SYDE2: variants seen among roughly 807,000 people sequenced by gnomAD.
SYDE2 encodes rho GTPase-activating protein SYDE2.
In SYDE2, 76 loss-of-function variants were observed where a neutral mutation model predicts 91.5. The ratio of observed to expected loss-of-function variants is 0.83; its 90% CI spans 0.69 to 1.01. SYDE2 has a LOEUF of 1.01. Among genes scored for constraint, SYDE2 ranks in the 50% least tolerant of loss-of-function variants. SYDE2 has a pLI of 0.00. For missense variants in SYDE2, 1,364 were observed against 1,367.7 expected, an observed-to-expected ratio of 1.00 and a Z score of 0.04; for synonymous variants, 513 against 506.4, an observed-to-expected ratio of 1.01 and a Z score of -0.18.
At chr1:85,163,948 T>C (rs1657170839) in intron 6 of SYDE2, among the ~76,000 whole-genome samples, 1 of 152,092 alleles carries the variant, frequency 6.6e-6, no homozygotes, top group African/African-American at 2.4e-5. Context: ...ATAAGAAAGA[T>C]GGAAAGGTCA....
intron 2 of SYDE2, among the ~76,000 whole-genome samples, chr1:85,184,824 G>C (rs1450693878): frequency 6.6e-6 from 1 of 151,106 alleles, no homozygotes; most frequent in Non-Finnish European, 1.5e-5. Flanking sequence ...AGGCTACAGT[G>C]AGCCGTGATT....
Position 85,182,425 on chromosome 1 carries a change from T to C in SYDE2, c.2217A>G (p.Ala739=). The C allele has an allele frequency of 6.2e-7, 1 of 1,613,650 alleles. No individual in the cohort carries two copies. Among genetic ancestry groups the C allele is most frequent in the Non-Finnish European group, 8.5e-7 (1 of 1,179,706 alleles). The change falls in exon 3 of 7, where the codon GCA becomes GCG. Residue 739 remains alanine (A), a synonymous_variant. Transcript: ENST00000341460. The part of the protein sequence containing the change: ...DHTFNIEIEN[A]QHLKLVVFSW... ...TGAATACTACTAGTTTCAAATGTTG[T>C]GCATTTTCAATTTCTATGTTGAAAG...
Position 85,190,603 on chromosome 1 carries a change from G to A in SYDE2, c.895C>T (p.Leu299Phe), listed in dbSNP as rs1173310222. The change falls in exon 2 of 7, where the codon CTT becomes TTT. Residue 299 changes from leucine (L) to phenylalanine (F), a missense_variant. By Grantham distance (22) the Leu-to-Phe change is conservative (BLOSUM62 0). Coordinates refer to ENST00000341460, the MANE Select transcript of SYDE2 (RefSeq NM_032184.2). ...NWLYQSTLRP[L>F]NLEEENKKCQ... ...TTCTTATTTTCTTCTTCCAGATTAA[G>A]AGGCCTCAGAGTACTCTGATATAGC... is the stretch of plus-strand genomic sequence containing the variant. 1.2e-6 allele frequency: 2 copies of A among 1,613,900 alleles called. No individual in the cohort carries two copies. Among genetic ancestry groups the A allele is most frequent in the Non-Finnish European group, 1.7e-6 (2 of 1,179,876 alleles).
At chr1:85,163,663 C>T (rs1180787342) in intron 6 of SYDE2, among the ~76,000 whole-genome samples, 1 of 151,752 alleles carries the variant, frequency 6.6e-6, no homozygotes, top group Non-Finnish European at 1.5e-5. Context: ...TGGCAAGTGC[C>T]ACCATCCAGA....
Position 85,169,190 on chromosome 1 carries a change from G to GAGAA in SYDE2, c.2703_2706dup (p.Pro903PhefsTer10), listed in dbSNP as rs1657408656. On this transcript the variant is annotated frameshift_variant, in exon 5 of 7. Coordinates refer to ENST00000341460, the MANE Select transcript of SYDE2 (RefSeq NM_032184.2). LOFTEE classifies it high-confidence loss of function. ...TCATAAAGCTGCTTTGTTATCAGAG[G>GAGAA]AGAAGGGAGTTCTCTTAAATAATCC... is the stretch of plus-strand genomic sequence containing the variant. 1.2e-6 allele frequency: 2 copies of GAGAA among 1,613,468 alleles called. No individual in the cohort carries two copies. Among genetic ancestry groups the GAGAA allele is most frequent in the Non-Finnish European group, 1.7e-6 (2 of 1,179,748 alleles).
chr1:85,186,670 T>C lies in SYDE2; in HGVS notation c.1441+3387A>G, dbSNP rs541151737. On this transcript the variant is annotated intron_variant, in intron 2 of 6. Transcript: ENST00000341460. ...TGGTACTGGTACCAAAACAGAGATA[T>C]AGATCAATGGAACAGAACAGAGCCC... is the stretch of plus-strand genomic sequence containing the variant. Among the ~76,000 whole-genome samples the C allele has an allele frequency of 9.9e-5, 15 of 151,758 alleles. 1 individual carries two copies. Among genetic ancestry groups the C allele is most frequent in the Admixed American group, 7.2e-4 (11 of 15,222 alleles).
At chr1:85,173,754 T>C (rs981640726) in intron 4 of SYDE2, among the ~76,000 whole-genome samples, 6 of 151,412 alleles carry the variant, frequency 4.0e-5, no homozygotes, top group South Asian at 4.2e-4. Context: ...TAATGAGGAG[T>C]AAAATCAATG....
intron 6 of SYDE2, chr1:85,160,262 T>TA: frequency 1.0e-6 from 1 of 957,614 alleles, no homozygotes; most frequent in Non-Finnish European, 1.2e-6. Flanking sequence ...TTGTATAAAA[T>TA]AAGACAACTG....
chr1:85,155,469 T>A (rs1367096917), downstream of SYDE2, among the ~76,000 whole-genome samples: 1 of 151,682 alleles, frequency 6.6e-6, no homozygotes, highest in African/African-American at 2.4e-5. Flanking sequence ...CAATACCCCG[T>A]CTCTATTGAA....
In SYDE2 at chr1:85,182,877, T is replaced by A. The variant is rs751199200; in HGVS notation, c.1765A>T (p.Ile589Leu). The part of the protein sequence containing the change: ...NTTTAAKRNV[I>L]SRYHLDTSVS... ...CTGGTATCAAGATGGTATCGGCTTA[T>A]AACATTCCTCTTAGCAGCGGTGGTT... Residue 589 changes from isoleucine to leucine, a missense_variant, in exon 3 of 7, where the codon ATA becomes TTA. By Grantham distance (5) the Ile-to-Leu change is conservative. Coordinates refer to ENST00000341460, the MANE Select transcript of SYDE2 (RefSeq NM_032184.2). 1 of 1,613,762 alleles carries A rather than the reference T, an allele frequency of 6.2e-7. No individual in the cohort carries two copies. The highest frequency in any genetic ancestry group is 8.5e-7 in the Non-Finnish European group (1 of 1,179,794).
chr1:85,192,912 C>T (rs936529092), intron 1 of SYDE2, among the ~76,000 whole-genome samples: 10 of 152,096 alleles, frequency 6.6e-5, no homozygotes, highest in African/African-American at 2.4e-4. Flanking sequence ...GATATTCATC[C>T]CAATTTATCT....
At position 85,157,398 on chromosome 1, in the gene SYDE2, T is replaced by C. The variant is rs969079437; in HGVS notation, c.*1352A>G. The stretch of plus-strand genomic sequence containing the variant: ...AAATAAGTTAATTTTTAAAAATCAG[T>C]AACATGTAATATGCTGGCAAGACTA... On this transcript the variant is annotated 3_prime_UTR_variant, in exon 7 of 7. Transcript: ENST00000341460. 6.6e-6 allele frequency: 1 copy of C among 152,120 alleles called. No individual in the cohort carries two copies. Among genetic ancestry groups the C allele is most frequent in the Non-Finnish European group, 1.5e-5 (1 of 67,966 alleles). 9.4% of individuals were successfully genotyped at this position (152,120 alleles called of 1,614,324 possible). A position where few individuals can be genotyped will look rare whatever the true frequency, so the allele number is the denominator to read the frequency against.
intron 3 of SYDE2, chr1:85,181,065 C>T (rs936989535): frequency 1.3e-5 from 2 of 151,842 alleles, no homozygotes; most frequent in Admixed American, 6.6e-5. Flanking sequence ...TTCATCCAAC[C>T]CCACTGGGGG....
At chr1:85,170,114 CTTT>C (rs5775829) in intron 4 of SYDE2, among the ~76,000 whole-genome samples, 7 of 131,268 alleles carry the variant, frequency 5.3e-5, no homozygotes, top group East Asian at 2.2e-4. Context: ...CTTCCCATCT[CTTT>C]TTTTTTTTTT....
chr1:85,163,616 T>C (rs947611219), intron 6 of SYDE2, among the ~76,000 whole-genome samples: 2 of 150,646 alleles, frequency 1.3e-5, no homozygotes, highest in East Asian at 1.9e-4. Flanking sequence ...AAACTGGGAG[T>C]TGAAGAGGTT....
intron 6 of SYDE2, among the ~76,000 whole-genome samples, chr1:85,163,590 T>C (rs189891227): frequency 4.0e-5 from 6 of 151,504 alleles, no homozygotes; most frequent in African/African-American, 9.7e-5. Context: ...GAGGCAGGCA[T>C]GATTTAGAGA....
Position 85,200,671 on chromosome 1 carries a change from C to T in SYDE2, c.326G>A (p.Arg109Lys), listed in dbSNP as rs1372766151. The change falls in exon 1 of 7, where the codon AGG (arginine) becomes AAG (lysine). Residue 109 changes from arginine to lysine, a missense_variant. By Grantham distance (26) the Arg-to-Lys change is conservative (BLOSUM62 2). Transcript: ENST00000341460. ...GTCCCAGTCCCGGTGCGCGCCGCAC[C>T]TGATCCAGCTGTCGCTCGGCCACCG... ...FQRWPSDSWI[R>K]CGAHRDWDEP... 2 of 1,537,924 alleles carry T rather than the reference C, an allele frequency of 1.3e-6. No homozygotes were observed. The highest frequency in any genetic ancestry group is 3.9e-5 in the Admixed American group (2 of 51,098).
chr1:85,182,120 T>A lies in SYDE2; in HGVS notation c.2522A>T (p.Glu841Val), dbSNP rs1194400301. The A allele has an allele frequency of 6.3e-7, 1 of 1,588,528 alleles. No individual in the cohort carries two copies. Among genetic ancestry groups the A allele is most frequent in the Admixed American group, 1.9e-5 (1 of 53,612 alleles). ...TACCTGACAGCCTCTCTTTTCAATT[T>A]CCATAATACATTTCTGTATCAGAAG... ...VPLLIQKCIM[E>V]IEKRGCQVVG... The change falls in exon 3 of 7, where the codon GAA becomes GTA. Residue 841 changes from glutamate (E) to valine (V), a missense_variant. Physicochemically the swap from Glu to Val is moderately radical, Grantham distance 121 (BLOSUM62 -2). Transcript: ENST00000341460.
chr1:85,163,438 C>T (rs1657134270), intron 6 of SYDE2, among the ~76,000 whole-genome samples: 2 of 82,616 alleles, frequency 2.4e-5, no homozygotes, highest in Admixed American at 3.3e-4. Flanking sequence ...TTCTCTTGTA[C>T]TTTAATCTAT....
Sources: gnomAD v4.1 joint callset for allele counts (sites outside exome capture counted in the v4.1 genomes callset) on GRCh38, gnomAD v4.1.1 for gene constraint, MANE v1.5 for transcripts, NCBI Gene and HGNC (gene_info 2026-07-23, HGNC 2026-07-21) for gene names.